Variants in SGK3 observed in about 807,000 individuals in gnomAD.
SGK3 encodes serum/glucocorticoid regulated kinase family member 3, also known as serine/threonine-protein kinase Sgk3.
Under a neutral mutation model 68.5 loss-of-function variants are expected in SGK3, and 47 were observed. That is an observed-to-expected ratio of 0.69 (90% confidence interval 0.54 to 0.87). The LOEUF (loss-of-function observed/expected upper bound fraction) is 0.87, where lower values mean the gene tolerates loss of function less well. Among genes scored for constraint, SGK3 ranks in the 40% least tolerant of loss-of-function variants. The pLI is 0.00. For synonymous variants in SGK3, 181 were observed against 189.1 expected (o/e 0.96, Z 0.35); for missense variants, 479 against 575.5 (o/e 0.83, Z 1.72).
At chr8:66,713,949 C>T (rs1804565594) in intron 1 of SGK3, among the ~76,000 whole-genome samples, 2 of 152,162 alleles carry the variant, frequency 1.3e-5, no homozygotes, top group Admixed American at 6.6e-5. Flanking sequence ...CCTGGAGCTC[C>T]TGGGAATGCG....
chr8:66,794,538 A>AC, intron 2 of SGK3, among the ~76,000 whole-genome samples: 1 of 150,902 alleles, frequency 6.6e-6, no homozygotes, highest in Non-Finnish European at 1.5e-5. Flanking sequence ...GTAACTCCCC[A>AC]CCCCCCTCAC....
At chr8:66,767,912 T>A in intron 1 of SGK3, 1 of 1,153,292 alleles carries the variant, frequency 8.7e-7, no homozygotes, top group South Asian at 1.2e-5. Context: ...AAGGCTTTGA[T>A]TGAAGGTCCA....
intron 1 of SGK3, among the ~76,000 whole-genome samples, chr8:66,757,958 C>T (rs188689980): frequency 0.043 from 6,187 of 144,516 alleles, 179 homozygotes; most frequent in African/African-American, 0.084. Flanking sequence ...TATATATATA[C>T]ACACACTATA....
intron 5 of SGK3, among the ~76,000 whole-genome samples, chr8:66,814,804 T>C (rs1006842438): frequency 3.3e-5 from 5 of 152,246 alleles, no homozygotes; most frequent in Non-Finnish European, 5.9e-5. Flanking sequence ...GTATCAGAAA[T>C]ACCTACAAAA....
intron 1 of SGK3, among the ~76,000 whole-genome samples, chr8:66,788,029 G>A (rs1807280509): frequency 6.6e-6 from 1 of 152,160 alleles, no homozygotes; most frequent in Non-Finnish European, 1.5e-5. Context: ...TCTCACTTCT[G>A]GCCGGTGCCA....
chr8:66,855,285 C>T (rs1250411049), intron 16 of SGK3, among the ~76,000 whole-genome samples: 1 of 152,154 alleles, frequency 6.6e-6, no homozygotes, highest in African/African-American at 2.4e-5. Context: ...TCACTGAAAC[C>T]TCCGCCTCCC....
intron 1 of SGK3, among the ~76,000 whole-genome samples, chr8:66,787,966 A>T (rs926586285): frequency 6.6e-6 from 1 of 152,148 alleles, no homozygotes; most frequent in Non-Finnish European, 1.5e-5. Flanking sequence ...GCCCACTGGG[A>T]AGATTTCCCT....
chr8:66,773,933 C>CTAT (rs1432341252), intron 1 of SGK3, among the ~76,000 whole-genome samples: 2 of 152,122 alleles, frequency 1.3e-5, no homozygotes, highest in Non-Finnish European at 2.9e-5. Flanking sequence ...GACTGGTGTA[C>CTAT]TATTATTATT....
chr8:66,777,009 G>C (rs955118747), intron 1 of SGK3, among the ~76,000 whole-genome samples: 28 of 152,146 alleles, frequency 1.8e-4, no homozygotes, highest in African/African-American at 6.0e-4. Context: ...TTTCTTGATT[G>C]GGTAGGAGTC....
chr8:66,738,923 C>G, intron 1 of SGK3, among the ~76,000 whole-genome samples: 1 of 152,170 alleles, frequency 6.6e-6, no homozygotes, highest in East Asian at 1.9e-4. Flanking sequence ...AGTCACTGCG[C>G]CCAGCCTAGA....
intron 10 of SGK3, among the ~76,000 whole-genome samples, chr8:66,839,023 T>A (rs534405738): frequency 4.3e-4 from 66 of 152,244 alleles, no homozygotes; most frequent in South Asian, 3.3e-3. Context: ...ATAGGAGATA[T>A]CAACATTGAG....
intron 15 of SGK3, among the ~76,000 whole-genome samples, chr8:66,847,824 T>C (rs1474134013): frequency 6.6e-6 from 1 of 151,914 alleles, no homozygotes; most frequent in African/African-American, 2.4e-5. Flanking sequence ...GTGCCTCCTG[T>C]CTGCATGAGG....
chr8:66,835,353 A>G (rs1311687454), intron 8 of SGK3, among the ~76,000 whole-genome samples: 1 of 152,212 alleles, frequency 6.6e-6, no homozygotes, highest in Non-Finnish European at 1.5e-5. Context: ...CTGTTAAGAA[A>G]AATCTCAGTA....
chr8:66,819,997 T>C (rs1267431025), intron 5 of SGK3, among the ~76,000 whole-genome samples: 1 of 152,110 alleles, frequency 6.6e-6, no homozygotes, highest in Non-Finnish European at 1.5e-5. Flanking sequence ...TTTGTATTTT[T>C]AGTAGAGACA....
At chr8:66,796,322 T>TA in intron 2 of SGK3, among the ~76,000 whole-genome samples, 1 of 14,218 alleles carries the variant, frequency 7.0e-5, no homozygotes, top group Non-Finnish European at 1.3e-4. Flanking sequence ...ATTTTTTGTA[T>TA]TTTTTTTTTT....
rs976215306 is a variant in SGK3, at chr8:66,801,109, T to C, written c.180+2484T>C. 9.2e-5 allele frequency among the ~76,000 whole-genome samples: 14 copies of C among 152,250 alleles called. 1 individual carries two copies. Among genetic ancestry groups the C allele is most frequent in the Admixed American group, 6.5e-4 (10 of 15,290 alleles). ...CTAAATACAGGTTGAGTATCCCTTA[T>C]CTGAAATACTTGGAACCAGAAGTGA... On this transcript the variant is annotated intron_variant, in intron 3 of 16. Coordinates refer to ENST00000521198, the MANE Select transcript of SGK3 (RefSeq NM_001033578.3).
intron 1 of SGK3, among the ~76,000 whole-genome samples, chr8:66,773,653 A>C (rs1432888858): frequency 1.3e-5 from 2 of 152,208 alleles, no homozygotes; most frequent in East Asian, 3.9e-4. Context: ...TTCCTTGAAC[A>C]CAAGCACTGT....
At chr8:66,791,278 G>C (rs908685830) in intron 1 of SGK3, among the ~76,000 whole-genome samples, 2 of 152,196 alleles carry the variant, frequency 1.3e-5, no homozygotes, top group African/African-American at 4.8e-5. Flanking sequence ...CCCAGCCAGA[G>C]GACAAAAGCA....
At chr8:66,741,356 C>T (rs1805473708) in intron 1 of SGK3, among the ~76,000 whole-genome samples, 1 of 152,046 alleles carries the variant, frequency 6.6e-6, no homozygotes, top group Non-Finnish European at 1.5e-5. Flanking sequence ...TTGAGACCAG[C>T]CTGACCAACA....
Sources: allele counts gnomAD v4.1 joint callset (sites outside exome capture counted in the v4.1 genomes callset), GRCh38; gene constraint gnomAD v4.1.1; transcripts MANE v1.5; gene names NCBI Gene and HGNC (gene_info 2026-07-23, HGNC 2026-07-21).